The following PCDHGB5 variants were observed in gnomAD, a reference collection of about 807,000 sequenced individuals.
PCDHGB5 encodes protocadherin gamma subfamily B, 5, also known as protocadherin gamma-B5.
PCDHGB5 carries 48 observed loss-of-function variants against 62.9 expected under a neutral mutation model. The observed-to-expected ratio is 0.76, with a 90% confidence interval of 0.61 to 0.97. The LOEUF (loss-of-function observed/expected upper bound fraction) is 0.97. Ranked by LOEUF, PCDHGB5 falls within the 50% of genes least tolerant of loss-of-function variation. PCDHGB5 has a pLI of 0.00. For synonymous variants in PCDHGB5, 474 were observed against 511.2 expected (o/e 0.93, Z 0.98); for missense variants, 1,118 against 1,198.6 (o/e 0.93, Z 0.99).
At chr5:141,496,733 C>T (rs1221912777) in intron 2 of PCDHGB5, among the ~76,000 whole-genome samples, 12 of 152,138 alleles carry the variant, frequency 7.9e-5, no homozygotes, top group African/African-American at 9.7e-5. Context: ...TGTATTCATT[C>T]GTTCATTTAT....
intron 1 of PCDHGB5, chr5:141,410,374 G>A: frequency 6.2e-7 from 1 of 1,613,976 alleles, no homozygotes; most frequent in Non-Finnish European, 8.5e-7. Flanking sequence ...CTGCTACTTG[G>A]GACTGCTTCC....
intron 1 of PCDHGB5, among the ~76,000 whole-genome samples, chr5:141,443,873 T>A (rs1250320938): frequency 6.6e-6 from 1 of 152,100 alleles, no homozygotes; most frequent in Non-Finnish European, 1.5e-5. Context: ...AAATTACTGA[T>A]AAGTCAAGAG....
chr5:141,413,081 C>A, intron 1 of PCDHGB5: 2 of 1,339,424 alleles, frequency 1.5e-6, no homozygotes, highest in Non-Finnish European at 2.0e-6. Context: ...GCCCAGGCTA[C>A]AGAGACACCC....
chr5:141,433,703 G>T (rs1561871157), intron 1 of PCDHGB5, among the ~76,000 whole-genome samples: 1 of 152,098 alleles, frequency 6.6e-6, no homozygotes, highest in Non-Finnish European at 1.5e-5. Flanking sequence ...CGGGCGTGGT[G>T]GTGCATGTCT....
intron 2 of PCDHGB5, among the ~76,000 whole-genome samples, chr5:141,498,710 T>C (rs2099785302): frequency 1.3e-5 from 2 of 152,108 alleles, no homozygotes. Flanking sequence ...GGTGGGTGGA[T>C]CACCTGAGGT....
chr5:141,426,806 T>C (rs1390972821), intron 1 of PCDHGB5: 1 of 456,600 alleles, frequency 2.2e-6, no homozygotes, highest in Non-Finnish European at 4.4e-6. Context: ...TCAGTTCTAA[T>C]GAACATTTCT....
In PCDHGB5 at chr5:141,476,352, T is replaced by C. The variant is rs2099389565; in HGVS notation, c.2398-18455T>C. The C allele has an allele frequency of 1.2e-6, 2 of 1,613,826 alleles. No individual in the cohort carries two copies. Among genetic ancestry groups the C allele is most frequent in the African/African-American group, 1.3e-5 (1 of 74,852 alleles). On this transcript the variant is annotated intron_variant, in intron 1 of 3. Transcript: ENST00000617380. The surrounding 1 kb of genome is among the most constrained non-coding windows in gnomAD (Gnocchi z 7.6). ...GGAGCTAGCCGAAGATTCTTTGAGG[T>C]GAACCGGGAGACCGGAGAGATGTTT...
At chr5:141,420,214 C>G (rs1356792048) in intron 1 of PCDHGB5, 1 of 1,611,064 alleles carries the variant, frequency 6.2e-7, no homozygotes, top group Admixed American at 1.7e-5. Context: ...ACAAAGATAG[C>G]ATGCTACTGG....
Position 141,398,980 on chromosome 5 carries a change from G to A in PCDHGB5, c.853G>A (p.Gly285Arg), listed in dbSNP as rs772840804. 1.9e-6 allele frequency: 3 copies of A among 1,613,860 alleles called. No individual in the cohort carries two copies. The highest frequency in any genetic ancestry group is 2.2e-5 in the South Asian group (2 of 91,074). ...SEITYSFYRT[G>R]QIFSLNSKSG... The stretch of plus-strand genomic sequence containing the variant: ...AATTACTTATTCCTTCTACAGAACC[G>A]GGCAAATCTTTAGTCTGAATTCAAA... The change falls in exon 1 of 4, where the codon GGG becomes AGG. Residue 285 changes from glycine (G) to arginine (R), a missense_variant. Transcript: ENST00000617380.
rs754140602 is a variant in PCDHGB5 at position 141,410,043 on chromosome 5, C to G, written c.2397+9519C>G. Reference sequence around the variant, plus strand: ...TACCACGTGCTGCAGGCCAGTGAGCCCGGACTCTTCAGCCTGGGGCTGCGC... The same window carrying G: ...TACCACGTGCTGCAGGCCAGTGAGCGCGGACTCTTCAGCCTGGGGCTGCGC... On this transcript the variant is annotated intron_variant, in intron 1 of 3. Transcript: ENST00000617380. 13 of 1,613,080 alleles carry G rather than the reference C, an allele frequency of 8.1e-6. No homozygotes were observed. The South Asian group carries it at 1.2e-4, about 15-fold the overall frequency.
chr5:141,415,977 C>A (rs1479258110), intron 1 of PCDHGB5: 2 of 354,488 alleles, frequency 5.6e-6, no homozygotes, highest in Non-Finnish European at 9.4e-6. Context: ...CCTTAAGCAA[C>A]CCTCTTGTTC....
intron 1 of PCDHGB5, chr5:141,410,195 G>A (rs769655902): frequency 1.1e-5 from 18 of 1,613,966 alleles, no homozygotes; most frequent in Non-Finnish European, 1.0e-5. Context: ...TCTGGTCTTC[G>A]CAGACAACTT....
chr5:141,464,273 A>G (rs1330533734), intron 1 of PCDHGB5, among the ~76,000 whole-genome samples: 1 of 136,736 alleles, frequency 7.3e-6, no homozygotes, highest in African/African-American at 3.0e-5. Context: ...TAAAAAAAAA[A>G]AAAAGCAAAA....
At position 141,430,860 on chromosome 5, in the gene PCDHGB5, C is replaced by G. The variant is rs773955533; in HGVS notation, c.2397+30336C>G. ...ACCGGATGCACCCAGATACGCTATTCAGTTCCGGAAGAGCTGGAGAAAGGC... is the reference window on the plus strand; with the variant it reads ...ACCGGATGCACCCAGATACGCTATTGAGTTCCGGAAGAGCTGGAGAAAGGC... On this transcript the variant is annotated intron_variant, in intron 1 of 3. Transcript: ENST00000617380. 4 of 1,592,382 alleles carry G rather than the reference C, an allele frequency of 2.5e-6. No individual in the cohort carries two copies. In the South Asian group the frequency reaches 4.6e-5, roughly 18 times the overall value.
Position 141,432,410 on chromosome 5 carries a change from T to C in PCDHGB5, c.2397+31886T>C. On this transcript the variant is annotated intron_variant, in intron 1 of 3. Transcript: ENST00000617380. This position sits in a 1 kb window ranked among gnomAD's most constrained non-coding sequence, Gnocchi z 6.0. The stretch of plus-strand genomic sequence containing the variant: ...CAGCAGCAACGTGTCGTTGAGCCTG[T>C]TCGTGCTGGACCAGAACGACAATGC... 6.2e-7 allele frequency: 1 copy of C among 1,614,228 alleles called. No homozygotes were observed. Among genetic ancestry groups the C allele is most frequent in the East Asian group, 2.2e-5 (1 of 44,884 alleles).
At chr5:141,408,410 G>C (rs1329403051) in intron 1 of PCDHGB5, 1 of 1,613,932 alleles carries the variant, frequency 6.2e-7, no homozygotes, top group African/African-American at 1.3e-5. Flanking sequence ...GCGAGTGAGC[G>C]CGGAGAAGCT....
Position 141,476,162 on chromosome 5 carries a change from G to A in PCDHGB5, c.2398-18645G>A. 6.2e-7 allele frequency: 1 copy of A among 1,613,038 alleles called. No homozygotes were observed. Among genetic ancestry groups the A allele is most frequent in the South Asian group, 1.1e-5 (1 of 91,040 alleles). Reference sequence around the variant, plus strand: ...GAGCGGACTGGTAAGCACCGGGAGGGTAGTGGGAGTTTTGCTTCTGCTTGG... The same window carrying A: ...GAGCGGACTGGTAAGCACCGGGAGGATAGTGGGAGTTTTGCTTCTGCTTGG... On this transcript the variant is annotated intron_variant, in intron 1 of 3. Coordinates refer to ENST00000617380, the MANE Select transcript of PCDHGB5 (RefSeq NM_018925.3). The surrounding 1 kb of genome is among the most constrained non-coding windows in gnomAD (Gnocchi z 7.6).
In PCDHGB5 at chr5:141,491,715, G is replaced by A. The variant is rs1333909488; in HGVS notation, c.2398-3092G>A. 1 of 1,607,782 alleles carries A rather than the reference G, an allele frequency of 6.2e-7. No individual in the cohort carries two copies. Among genetic ancestry groups the A allele is most frequent in the Admixed American group, 1.7e-5 (1 of 58,966 alleles). On this transcript the variant is annotated intron_variant, in intron 1 of 3. Transcript: ENST00000617380. This position sits in a 1 kb window ranked among gnomAD's most constrained non-coding sequence, Gnocchi z 6.9. ...AGCGGAGCCAGGTGAGGGGCTCGGC[G>A]CCGCCCCGGGCGACCCCTGGGGGCG...
At chr5:141,448,523 A>G (rs2098593853) in intron 1 of PCDHGB5, among the ~76,000 whole-genome samples, 1 of 152,166 alleles carries the variant, frequency 6.6e-6, no homozygotes, top group African/African-American at 2.4e-5. Context: ...TTTATTAAGC[A>G]TCCTGTCAGC....
Sources: gnomAD v4.1 joint callset for allele counts (sites outside exome capture counted in the v4.1 genomes callset) on GRCh38, gnomAD v4.1.1 for gene constraint, Gnocchi (gnomAD v3.1) non-coding constraint, MANE v1.5 for transcripts, NCBI Gene and HGNC (gene_info 2026-07-23, HGNC 2026-07-21) for gene names.